Variants in PARP14 observed in about 807,000 individuals in gnomAD.
PARP14 encodes the protein poly(ADP-ribose) polymerase family member 14.
A neutral mutation model predicts 154.2 loss-of-function variants in PARP14; 59 were observed. The ratio of observed to expected loss-of-function variants is 0.38; its 90% CI spans 0.31 to 0.48. The LOEUF is 0.48. Among genes scored for constraint, PARP14 ranks in the 20% least tolerant of loss-of-function variants. PARP14 has a pLI of 0.98. For missense variants in PARP14, 1,734 were observed against 2,131.6 expected (o/e 0.81, Z 3.67); for synonymous variants, 720 against 780.5 (o/e 0.92, Z 1.29).
At position 122,701,289 on chromosome 3, in the gene PARP14, A is replaced by G. The variant is rs896158497; in HGVS notation, c.2735A>G (p.Lys912Arg). 5 of 1,613,960 alleles carry G rather than the reference A, an allele frequency of 3.1e-6. No homozygotes were observed. The highest frequency in any genetic ancestry group is 4.2e-6 in the Non-Finnish European group (5 of 1,179,824). ...QLSLCLAEKY[K>R]YRSIAIPAIS... ...AGTCTCTGTCTAGCCGAAAAATACAAGTACCGATCCATAGCCATCCCAGCT... is the reference window on the plus strand; with the variant it reads ...AGTCTCTGTCTAGCCGAAAAATACAGGTACCGATCCATAGCCATCCCAGCT... Residue 912 changes from lysine (K) to arginine (R), a missense_variant, in exon 6 of 17, where the codon AAG becomes AGG. This residue lies in a region of PARP14 where 1,646 missense variants were observed against 1,976.0 expected (regional missense o/e 0.83). Coordinates refer to ENST00000474629, the MANE Select transcript of PARP14 (RefSeq NM_017554.3). The surrounding 1 kb of genome is among the most constrained non-coding windows in gnomAD (Gnocchi z 4.0).
At chr3:122,724,334 T>C (rs1226935437) in intron 15 of PARP14, among the ~76,000 whole-genome samples, 7 of 151,992 alleles carry the variant, frequency 4.6e-5, no homozygotes, top group African/African-American at 1.5e-4. Flanking sequence ...AGTTTTGCTC[T>C]GTCATTCCAG....
Position 122,681,952 on chromosome 3 carries a change from CT to C in PARP14, c.187+885del, listed in dbSNP as rs1378887157. On this transcript the variant is annotated intron_variant, in intron 1 of 16. Coordinates refer to ENST00000474629, the MANE Select transcript of PARP14 (RefSeq NM_017554.3). This position sits in a 1 kb window ranked among gnomAD's most constrained non-coding sequence, Gnocchi z 5.5. ...GGGATCTAGTCAACCCCTAATTCCG[CT>C]TTCATGTCGCTAGATTTGGAGAAGC... 3.3e-5 allele frequency among the ~76,000 whole-genome samples: 5 copies of C among 152,136 alleles called. No homozygotes were observed. Among genetic ancestry groups the C allele is most frequent in the Non-Finnish European group, 4.4e-5 (3 of 68,024 alleles).
chr3:122,720,598 G>A (rs764083067), intron 15 of PARP14: 129 of 607,362 alleles, frequency 2.1e-4, no homozygotes, highest in Admixed American at 3.3e-4. Flanking sequence ...ATATTTGATT[G>A]TAATATGATA....
rs369314376 is a variant in PARP14, at chr3:122,700,651, G to C, written c.2097G>C (p.Lys699Asn). 1.2e-6 allele frequency: 2 copies of C among 1,606,992 alleles called. No homozygotes were observed. Among genetic ancestry groups the C allele is most frequent in the South Asian group, 2.2e-5 (2 of 89,658 alleles). Reference protein sequence around the residue: ...EKKLFWPKIKKVNVQVSFNPE... With the variant: ...EKKLFWPKIKNVNVQVSFNPE... ...AGCTATTCTGGCCAAAGATAAAGAA[G>C]GTAAATGTGCAGGTAAGTTTCAATC... is the stretch of plus-strand genomic sequence containing the variant. Residue 699 changes from lysine to asparagine, a missense_variant, in exon 6 of 17, where the codon AAG becomes AAC. Around this residue, in one of 2 missense-constraint regions of PARP14, gnomAD observed 1,646 missense variants for 1,976.0 expected, o/e 0.83. Coordinates refer to ENST00000474629, the MANE Select transcript of PARP14 (RefSeq NM_017554.3).
chr3:122,693,842 G>GA (rs5852310), intron 4 of PARP14, among the ~76,000 whole-genome samples: 60,506 of 135,310 alleles, frequency 0.45, 15,140 homozygotes, highest in African/African-American at 0.7. Context: ...CCCCGTGTCT[G>GA]AAAAAAAAAA....
In PARP14 at chr3:122,680,866, C is replaced by A; in HGVS notation, c.-18C>A. 1.3e-6 allele frequency: 2 copies of A among 1,584,354 alleles called. No homozygotes were observed. Among genetic ancestry groups the A allele is most frequent in the Non-Finnish European group, 1.7e-6 (2 of 1,165,030 alleles). Reference sequence around the variant, plus strand: ...AGTTGGCGCGGCCCCTGCAGTCCGGCGGAGAGCGGAGCTGAGGATGGCTGT... The same window carrying A: ...AGTTGGCGCGGCCCCTGCAGTCCGGAGGAGAGCGGAGCTGAGGATGGCTGT... On this transcript the variant is annotated 5_prime_UTR_variant, in exon 1 of 17. Transcript: ENST00000474629.
intron 3 of PARP14, among the ~76,000 whole-genome samples, chr3:122,690,574 C>A (rs1938506569): frequency 6.6e-6 from 1 of 152,146 alleles, no homozygotes; most frequent in African/African-American, 2.4e-5. Flanking sequence ...TGCAGTGGTA[C>A]AATCTCGGCT....
intron 4 of PARP14, 144 bp from the exon 5 acceptor site, chr3:122,695,282 T>C: frequency 1.7e-6 from 1 of 585,244 alleles, no homozygotes; most frequent in Non-Finnish European, 3.0e-6. Context: ...TAAATTCTCA[T>C]GTAGGTATTA....
At position 122,704,638 on chromosome 3, in the gene PARP14, T is replaced by G. The variant is rs769865471; in HGVS notation, c.3430T>G (p.Phe1144Val). 3 of 1,605,278 alleles carry G rather than the reference T, an allele frequency of 1.9e-6. 1 individual carries two copies. The South Asian group carries it at 3.3e-5, about 18-fold the overall frequency. The stretch of plus-strand genomic sequence containing the variant: ...AAACTTGGGATTTCCTAAAAACATA[T>G]TCGCTGAATTAATCATTTCAGAGGT... ...TGNLGFPKNI[F>V]AELIISEVFK... The change falls in exon 8 of 17, where the codon TTC (phenylalanine) becomes GTC (valine). Residue 1144 changes from phenylalanine (F) to valine (V), a missense_variant. By Grantham distance (50) the Phe-to-Val change is conservative (BLOSUM62 -1). Transcript: ENST00000474629.
At chr3:122,713,340 C>G in intron 9 of PARP14, 84 bp from the exon 10 acceptor site, 1 of 1,141,234 alleles carries the variant, frequency 8.8e-7, no homozygotes, top group South Asian at 1.6e-5. Context: ...GGAAGACATC[C>G]AAGAGGGTCC....
At position 122,713,430 on chromosome 3, in the gene PARP14, A is replaced by G. The variant is rs777840297; in HGVS notation, c.3626A>G (p.Tyr1209Cys). The G allele has an allele frequency of 6.2e-7, 1 of 1,606,700 alleles. No individual in the cohort carries two copies. Among genetic ancestry groups the G allele is most frequent in the Admixed American group, 1.7e-5 (1 of 58,828 alleles). ...TTACTTCTTTTCTTTTCAGGTTTTT[A>G]TGGGACTGTTTCTAGCCCTGATTCA... is the stretch of plus-strand genomic sequence containing the variant. ...IPKAKDTQGFYGTVSSPDSGV... is the reference protein window; with the variant it reads ...IPKAKDTQGFCGTVSSPDSGV... The change falls in exon 10 of 17, where the codon TAT (tyrosine) becomes TGT (cysteine). Residue 1209 changes from tyrosine to cysteine, a missense_variant. Around this residue, in one of 2 missense-constraint regions of PARP14, gnomAD observed 1,646 missense variants for 1,976.0 expected, o/e 0.83. Transcript: ENST00000474629.
chr3:122,684,317 A>G (rs907212560), intron 1 of PARP14, among the ~76,000 whole-genome samples: 2 of 150,574 alleles, frequency 1.3e-5, no homozygotes, highest in African/African-American at 4.9e-5. Context: ...CCTCCTTGAA[A>G]CTCACTTCTT....
intron 4 of PARP14, among the ~76,000 whole-genome samples, chr3:122,693,323 A>C (rs1938598671): frequency 6.6e-6 from 1 of 152,098 alleles, no homozygotes; most frequent in Non-Finnish European, 1.5e-5. Context: ...AAACAAGTAC[A>C]TTTTCCAATT....
intron 5 of PARP14, 122 bp from the exon 6 acceptor site, chr3:122,699,265 TTTC>T: frequency 1.8e-6 from 1 of 569,494 alleles, no homozygotes. Flanking sequence ...CATTGTTTTA[TTTC>T]TTTCCTTTAA....
Position 122,700,222 on chromosome 3 carries a change from G to C in PARP14, c.1668G>C (p.Lys556Asn). 6.2e-7 allele frequency: 1 copy of C among 1,611,872 alleles called. No homozygotes were observed. The highest frequency in any genetic ancestry group is 8.5e-7 in the Non-Finnish European group (1 of 1,178,660). The part of the protein sequence containing the change: ...LQQVNWKEFS[K>N]CLFIAQKILA... ...AGGTAAACTGGAAAGAATTCTCTAA[G>C]TGTCTTTTCATAGCACAGAAGATTC... The change falls in exon 6 of 17, where the codon AAG (lysine) becomes AAC (asparagine). Residue 556 changes from lysine to asparagine, a missense_variant. Lys to Asn is a moderately conservative substitution (Grantham distance 94, BLOSUM62 0). Around this residue, in one of 2 missense-constraint regions of PARP14, gnomAD observed 1,646 missense variants for 1,976.0 expected, o/e 0.83. Coordinates refer to ENST00000474629, the MANE Select transcript of PARP14 (RefSeq NM_017554.3).
In PARP14 at chr3:122,700,830, G is replaced by A. The variant is rs754916464; in HGVS notation, c.2276G>A (p.Arg759Gln). The A allele has an allele frequency of 5.6e-6, 9 of 1,613,728 alleles. No individual in the cohort carries two copies. Among genetic ancestry groups the A allele is most frequent in the Non-Finnish European group, 7.6e-6 (9 of 1,179,780 alleles). Reference sequence around the variant, plus strand: ...AAGCAGTTCTTCCAGGATAAAGCACGGTTTTATCAAAGTGAGATCAAACGG... The same window carrying A: ...AAGCAGTTCTTCCAGGATAAAGCACAGTTTTATCAAAGTGAGATCAAACGG... ...GAKQFFQDKA[R>Q]FYQSEIKRLF... The change falls in exon 6 of 17, where the codon CGG becomes CAG. Residue 759 changes from arginine (R) to glutamine (Q), a missense_variant. By Grantham distance (43) the Arg-to-Gln change is conservative. This residue lies in a region of PARP14 where 1,646 missense variants were observed against 1,976.0 expected (regional missense o/e 0.83). Coordinates refer to ENST00000474629, the MANE Select transcript of PARP14 (RefSeq NM_017554.3).
intron 4 of PARP14, among the ~76,000 whole-genome samples, chr3:122,692,790 A>G (rs1265054727): frequency 2.0e-5 from 3 of 152,196 alleles, no homozygotes; most frequent in African/African-American, 7.2e-5. Flanking sequence ...ACTGAGAGAG[A>G]GAGAGAGACA....
In PARP14 at chr3:122,720,266, G is replaced by T. The variant is rs779905295; in HGVS notation, c.4819G>T (p.Ala1607Ser). Residue 1607 changes from alanine to serine, a missense_variant, in exon 15 of 17, where the codon GCA (alanine) becomes TCA (serine). Physicochemically the swap from Ala to Ser is moderately conservative, Grantham distance 99. This residue lies in a region of PARP14 where 1,646 missense variants were observed against 1,976.0 expected (regional missense o/e 0.83). Coordinates refer to ENST00000474629, the MANE Select transcript of PARP14 (RefSeq NM_017554.3). ...TGTCTCCTTTGCAGTTGACATCCCTGCACACTGGAGTGATATGAAGCAGCA... is the reference window on the plus strand; with the variant it reads ...TGTCTCCTTTGCAGTTGACATCCCTTCACACTGGAGTGATATGAAGCAGCA... ...RLTKSKVDIPAHWSDMKQQNF... is the reference protein window; with the variant it reads ...RLTKSKVDIPSHWSDMKQQNF... 1 of 1,613,124 alleles carries T rather than the reference G, an allele frequency of 6.2e-7. No individual in the cohort carries two copies. Among genetic ancestry groups the T allele is most frequent in the Admixed American group, 1.7e-5 (1 of 59,906 alleles).
At chr3:122,719,767 G>T (rs1272052508) in intron 14 of PARP14, among the ~76,000 whole-genome samples, 1 of 152,150 alleles carries the variant, frequency 6.6e-6, no homozygotes, top group African/African-American at 2.4e-5. Context: ...CCACCTAACT[G>T]CCTCTTAAAG....
Sources: allele counts gnomAD v4.1 joint callset (sites outside exome capture counted in the v4.1 genomes callset), GRCh38; gene constraint gnomAD v4.1.1; regional missense constraint gnomAD v4.1.1; non-coding constraint Gnocchi (gnomAD v3.1); transcripts MANE v1.5; gene names NCBI Gene and HGNC (gene_info 2026-07-23, HGNC 2026-07-21).